Variants in DMXL2 observed in about 807,000 individuals in gnomAD.
DMXL2 encodes dmX-like protein 2.
In DMXL2, 103 loss-of-function variants were observed where a neutral mutation model predicts 331.1. That is an observed-to-expected ratio of 0.31 (90% CI 0.27 to 0.37). The LOEUF (loss-of-function observed/expected upper bound fraction) is 0.37. Ranked by LOEUF, DMXL2 falls within the 10% of genes least tolerant of loss-of-function variation. The pLI is 1.00. For missense variants in DMXL2, 3,171 were observed against 3,642.9 expected, an observed-to-expected ratio of 0.87 and a Z score of 3.33; for synonymous variants, 1,281 against 1,252.1, an observed-to-expected ratio of 1.02 and a Z score of -0.49.
At chr15:51,610,712 G>A (rs1376753320) in intron 1 of DMXL2, among the ~76,000 whole-genome samples, 1 of 151,452 alleles carries the variant, frequency 6.6e-6, no homozygotes, top group East Asian at 1.9e-4. Context: ...AGCTTGCAGT[G>A]AGCCGAGATC....
At chr15:51,559,593 T>C (rs1401299759) in intron 6 of DMXL2, among the ~76,000 whole-genome samples, 7 of 152,026 alleles carry the variant, frequency 4.6e-5, no homozygotes, top group African/African-American at 1.4e-4. Context: ...TGGTGGTGCA[T>C]GCCTGTAGTC....
chr15:51,451,418 T>TA (rs2039127494), intron 42 of DMXL2, among the ~76,000 whole-genome samples: 1 of 152,258 alleles, frequency 6.6e-6, no homozygotes, highest in Admixed American at 6.5e-5. Flanking sequence ...CTGAATAGAA[T>TA]ATAAAGACTA....
intron 13 of DMXL2, among the ~76,000 whole-genome samples, chr15:51,534,283 A>G (rs752542034): frequency 4.6e-5 from 7 of 152,174 alleles, no homozygotes; most frequent in African/African-American, 9.7e-5. Context: ...GTCAAATGTA[A>G]AACAGATAAA....
At chr15:51,599,842 G>C (rs909616830) in intron 1 of DMXL2, among the ~76,000 whole-genome samples, 2 of 152,180 alleles carry the variant, frequency 1.3e-5, no homozygotes, top group Non-Finnish European at 2.9e-5. Context: ...TGGGATTACA[G>C]GCACGTGCCA....
At position 51,499,666 on chromosome 15, in the gene DMXL2, T is replaced by C. The variant is rs780344397; in HGVS notation, c.3558A>G (p.Gly1186=). ...KEDGSHILTV[G]VGANIFMYGR... is the part of the protein sequence containing the mutation. ...CATACATGAAGATATTCGCACCGAC[T>C]CCCACTGTAAGAATGTGGGAGCCAT... is the stretch of plus-strand genomic sequence containing the variant. Residue 1186 remains glycine (G), a synonymous_variant, in exon 18 of 44, where the codon GGA becomes GGG. Transcript: ENST00000560891. 1.9e-6 allele frequency: 3 copies of C among 1,613,908 alleles called. No individual in the cohort carries two copies. Among genetic ancestry groups the C allele is most frequent in the Non-Finnish European group, 2.5e-6 (3 of 1,180,018 alleles).
chr15:51,599,059 A>AT (rs980990163), intron 1 of DMXL2, among the ~76,000 whole-genome samples: 1 of 152,092 alleles, frequency 6.6e-6, no homozygotes, highest in African/African-American at 2.4e-5. Context: ...AAATTCATGG[A>AT]TTTTTATCTT....
intron 1 of DMXL2, 23 bp downstream of exon 1, chr15:51,622,435 CT>C: frequency 6.4e-7 from 1 of 1,552,620 alleles, no homozygotes; most frequent in Non-Finnish European, 8.7e-7. Flanking sequence ...GTATCTTCCC[CT>C]AGGGCTCCCG....
At chr15:51,568,680 C>A in intron 2 of DMXL2, 122 bp from the exon 3 acceptor site, 1 of 674,516 alleles carries the variant, frequency 1.5e-6, no homozygotes, top group Non-Finnish European at 2.4e-6. Flanking sequence ...GGTTTATTTC[C>A]TTCCATAAAT....
chr15:51,506,955 A>T (rs2046441511), intron 16 of DMXL2, among the ~76,000 whole-genome samples, 179 bp downstream of exon 16: 1 of 152,164 alleles, frequency 6.6e-6, no homozygotes, highest in African/African-American at 2.4e-5. Flanking sequence ...TGGTTTTTAG[A>T]ATTAACCAGT....
chr15:51,469,774 C>A (rs745786591), intron 29 of DMXL2, among the ~76,000 whole-genome samples: 1 of 152,116 alleles, frequency 6.6e-6, no homozygotes, highest in Non-Finnish European at 1.5e-5. Flanking sequence ...GTGGGAACTG[C>A]CTATACATTT....
intron 1 of DMXL2, among the ~76,000 whole-genome samples, chr15:51,590,140 G>C (rs2052181017): frequency 6.6e-6 from 1 of 152,146 alleles, no homozygotes; most frequent in African/African-American, 2.4e-5. Flanking sequence ...CAAAGACCAA[G>C]AATTTAATAC....
At chr15:51,591,917 C>T (rs1455433970) in intron 1 of DMXL2, among the ~76,000 whole-genome samples, 6 of 152,060 alleles carry the variant, frequency 3.9e-5, no homozygotes, top group East Asian at 1.9e-4. Flanking sequence ...CCCATCTGTA[C>T]GTCACCATCA....
At chr15:51,590,398 C>T (rs2052203312) in intron 1 of DMXL2, among the ~76,000 whole-genome samples, 1 of 152,186 alleles carries the variant, frequency 6.6e-6, no homozygotes, top group African/African-American at 2.4e-5. Flanking sequence ...ACATAGCCCA[C>T]TAGAAAGAGT....
intron 1 of DMXL2, among the ~76,000 whole-genome samples, chr15:51,590,948 G>T (rs191312759): frequency 4.9e-4 from 75 of 152,232 alleles, no homozygotes; most frequent in African/African-American, 1.7e-3. Flanking sequence ...GCAGACAAGG[G>T]GGGTGGAGCC....
intron 15 of DMXL2, among the ~76,000 whole-genome samples, chr15:51,510,299 T>C (rs1353154350): frequency 6.6e-6 from 1 of 152,176 alleles, no homozygotes; most frequent in African/African-American, 2.4e-5. Context: ...ACTGTATATT[T>C]AGAAAACCCA....
intron 1 of DMXL2, among the ~76,000 whole-genome samples, chr15:51,586,821 C>A (rs1269337906): frequency 6.6e-6 from 1 of 151,960 alleles, no homozygotes; most frequent in African/African-American, 2.4e-5. Flanking sequence ...CATTATAAAA[C>A]CAACTCTATC....
At chr15:51,471,953 ATG>A (rs575891582) in intron 28 of DMXL2, among the ~76,000 whole-genome samples, 2 of 152,182 alleles carry the variant, frequency 1.3e-5, no homozygotes, top group Non-Finnish European at 2.9e-5. Flanking sequence ...CTGGGAACTT[ATG>A]TTTTGGGCAA....
At chr15:51,618,142 T>C (rs941635390) in intron 1 of DMXL2, among the ~76,000 whole-genome samples, 2 of 152,300 alleles carry the variant, frequency 1.3e-5, no homozygotes. Flanking sequence ...AACCCCTTGA[T>C]TCCCCTGGCC....
chr15:51,581,821 G>T (rs1186199622), intron 1 of DMXL2, among the ~76,000 whole-genome samples: 1 of 152,068 alleles, frequency 6.6e-6, no homozygotes, highest in African/African-American at 2.4e-5. Flanking sequence ...TAACATCCCG[G>T]AAGTTACAGG....
Sources: allele counts gnomAD v4.1 joint callset (sites outside exome capture counted in the v4.1 genomes callset), GRCh38; gene constraint gnomAD v4.1.1; transcripts MANE v1.5; gene names NCBI Gene and HGNC (gene_info 2026-07-23, HGNC 2026-07-21).